The following TM6SF1 variants were observed in gnomAD, a reference collection of about 807,000 sequenced individuals.
TM6SF1 encodes the protein transmembrane 6 superfamily member 1.
A neutral mutation model predicts 47.1 loss-of-function variants in TM6SF1; 43 were observed. That is an observed-to-expected ratio of 0.91 (90% CI 0.72 to 1.18). The LOEUF is 1.18. Among genes scored for constraint, TM6SF1 ranks in the 50% most tolerant of loss-of-function variants. TM6SF1 has a pLI of 0.00. For synonymous variants in TM6SF1, 177 were observed against 166.3 expected, an observed-to-expected ratio of 1.06 and a Z score of -0.49; for missense variants, 390 against 449.0, an observed-to-expected ratio of 0.87 and a Z score of 1.19.
Position 83,124,312 on chromosome 15 carries a change from T to C in TM6SF1, c.604-360T>C, listed in dbSNP as rs140867210. On this transcript the variant is annotated intron_variant, in intron 6 of 9. Transcript: ENST00000322019. ...TATATGTATGTTGTGTGTATGTAAC[T>C]ATATCTATTTACATGTATTACTGGA... Among the ~76,000 whole-genome samples the C allele has an allele frequency of 2.8e-3, 427 of 152,310 alleles. 3 individuals are homozygous for C. Among genetic ancestry groups the C allele is most frequent in the African/African-American group, 9.9e-3 (410 of 41,582 alleles).
chr15:83,125,480 C>T (rs1213998869), intron 7 of TM6SF1, among the ~76,000 whole-genome samples: 2 of 152,314 alleles, frequency 1.3e-5, no homozygotes, highest in South Asian at 2.1e-4. Flanking sequence ...TAAAATAACA[C>T]TACCTACCTT....
At chr15:83,119,118 A>G (rs1280954023) in intron 3 of TM6SF1, among the ~76,000 whole-genome samples, 1 of 152,148 alleles carries the variant, frequency 6.6e-6, no homozygotes, top group Non-Finnish European at 1.5e-5. Context: ...TATGTGGGGA[A>G]TGAGTGTTGT....
Position 83,127,440 on chromosome 15 carries a change from C to G in TM6SF1, c.884C>G (p.Pro295Arg). 1 of 1,613,914 alleles carries G rather than the reference C, an allele frequency of 6.2e-7. No homozygotes were observed. The highest frequency in any genetic ancestry group is 2.2e-5 in the East Asian group (1 of 44,844). The change falls in exon 9 of 10, where the codon CCT (proline) becomes CGT (arginine). Residue 295 changes from proline to arginine, a missense_variant. Physicochemically the swap from Pro to Arg is moderately radical, Grantham distance 103. Transcript: ENST00000322019. Reference sequence around the variant, plus strand: ...GTGGTTCCTGGATGTTCCTGGATGCCTGACATCACATTGATACATGCTGGA... The same window carrying G: ...GTGGTTCCTGGATGTTCCTGGATGCGTGACATCACATTGATACATGCTGGA... ...GLVVPGCSWM[P>R]DITLIHAGGL...
chr15:83,132,362 A>T (rs2036311025), intron 9 of TM6SF1: 1 of 152,262 alleles, frequency 6.6e-6, no homozygotes, highest in Non-Finnish European at 1.5e-5. Flanking sequence ...GCTTTGGGAC[A>T]GACTCACCAT....
At chr15:83,126,901 A>T (rs1441754846) in intron 8 of TM6SF1, 54 bp downstream of exon 8, 2 of 1,462,314 alleles carry the variant, frequency 1.4e-6, no homozygotes, top group African/African-American at 2.8e-5. Flanking sequence ...CTTTTTAAAA[A>T]ATGGGTCCCA....
intron 1 of TM6SF1, among the ~76,000 whole-genome samples, chr15:83,109,447 G>A (rs1374327252): frequency 6.6e-6 from 1 of 152,198 alleles, no homozygotes; most frequent in Non-Finnish European, 1.5e-5. Context: ...ATGTATTGCT[G>A]TGCATGATGG....
At chr15:83,110,185 T>C (rs1166143694) in intron 1 of TM6SF1, among the ~76,000 whole-genome samples, 1 of 152,204 alleles carries the variant, frequency 6.6e-6, no homozygotes, top group African/African-American at 2.4e-5. Flanking sequence ...GAGCGTGTTC[T>C]GTCTCCCTCT....
chr15:83,126,193 CAA>C (rs1303434912), intron 7 of TM6SF1, among the ~76,000 whole-genome samples: 1 of 151,942 alleles, frequency 6.6e-6, no homozygotes, highest in Non-Finnish European at 1.5e-5. Flanking sequence ...CATTTATGGC[CAA>C]AGACATGAGG....
At chr15:83,135,506 T>C (rs1225232003) in intron 9 of TM6SF1, 1 of 152,226 alleles carries the variant, frequency 6.6e-6, no homozygotes, top group African/African-American at 2.4e-5. Context: ...TTCAGCAAGA[T>C]ATGAAAATGC....
chr15:83,110,845 C>T (rs940193264), intron 1 of TM6SF1, among the ~76,000 whole-genome samples: 2 of 152,222 alleles, frequency 1.3e-5, no homozygotes, highest in Admixed American at 6.5e-5. Flanking sequence ...AAACAGCCAC[C>T]CTCATTCTTT....
Position 83,122,777 on chromosome 15 carries a change from T to G in TM6SF1, c.502T>G (p.Cys168Gly), listed in dbSNP as rs2035391758. Residue 168 changes from cysteine (C) to glycine (G), a missense_variant, in exon 6 of 10, where the codon TGC (cysteine) becomes GGC (glycine). Physicochemically the swap from Cys to Gly is radical, Grantham distance 159. Transcript: ENST00000322019. ...AATAGGGAAGTATGGAACACGAATTTGCCCTGCTTTTTTCTTAAGCATACC... is the reference window on the plus strand; with the variant it reads ...AATAGGGAAGTATGGAACACGAATTGGCCCTGCTTTTTTCTTAAGCATACC... The part of the protein sequence containing the change: ...NIVGKYGTRI[C>G]PAFFLSIPYT... 1.2e-6 allele frequency: 2 copies of G among 1,614,076 alleles called. No homozygotes were observed. Among genetic ancestry groups the G allele is most frequent in the Non-Finnish European group, 1.7e-6 (2 of 1,180,004 alleles).
chr15:83,128,322 C>A (rs888244638), intron 9 of TM6SF1: 4 of 152,096 alleles, frequency 2.6e-5, no homozygotes, highest in African/African-American at 9.7e-5. Flanking sequence ...TGCATTAAAT[C>A]CTTTCAGTTT....
At chr15:83,112,458 C>CGT (rs959283650) in intron 1 of TM6SF1, among the ~76,000 whole-genome samples, 3 of 152,030 alleles carry the variant, frequency 2.0e-5, no homozygotes, top group Admixed American at 6.6e-5. Context: ...GTTAGAGGAA[C>CGT]GTGTAAGTGG....
At position 83,107,790 on chromosome 15, in the gene TM6SF1, G is replaced by A; in HGVS notation, c.92+18G>A. ...CAGCATGAGTGAGTGAGCCGGCGCGGCGGGGGTCGCGCCGAGGGGCGGCGG... is the reference window on the plus strand; with the variant it reads ...CAGCATGAGTGAGTGAGCCGGCGCGACGGGGGTCGCGCCGAGGGGCGGCGG... On this transcript the variant is annotated intron_variant, in intron 1 of 9. Transcript: ENST00000322019. This position sits in a 1 kb window ranked among gnomAD's most constrained non-coding sequence, Gnocchi z 5.6. 1.3e-6 allele frequency: 2 copies of A among 1,567,502 alleles called. No homozygotes were observed. The highest frequency in any genetic ancestry group is 2.5e-5 in the East Asian group (1 of 40,132).
At position 83,107,974 on chromosome 15, in the gene TM6SF1, G is replaced by C. The variant is rs1003454184; in HGVS notation, c.92+202G>C. 9.2e-7 allele frequency: 1 copy of C among 1,092,194 alleles called. No individual in the cohort carries two copies. Among genetic ancestry groups the C allele is most frequent in the South Asian group, 2.5e-5 (1 of 39,864 alleles). The allele number at this position is 1,092,194 out of a possible 1,614,324, so 67.7% of individuals were successfully genotyped here. A position where few individuals can be genotyped will look rare whatever the true frequency, so the allele number is the denominator to read the frequency against. On this transcript the variant is annotated intron_variant, in intron 1 of 9. Coordinates refer to ENST00000322019, the MANE Select transcript of TM6SF1 (RefSeq NM_023003.5). The surrounding 1 kb of genome is among the most constrained non-coding windows in gnomAD (Gnocchi z 5.6). ...GGGCCGGGTCTTGGAGCCGGGCCCT[G>C]AGGTGCCCAGGCTGGCGCATTTCGG...
At chr15:83,127,234 G>A (rs1250474836) in intron 8 of TM6SF1, 124 bp from the exon 9 acceptor site, 5 of 803,866 alleles carry the variant, frequency 6.2e-6, no homozygotes, top group East Asian at 6.8e-5. Flanking sequence ...AAAAAAAAAA[G>A]AGTCCCATAT....
chr15:83,114,722 TC>T (rs1043124602), intron 2 of TM6SF1: 96 of 152,424 alleles, frequency 6.3e-4, no homozygotes, highest in African/African-American at 2.1e-3. Flanking sequence ...ATCAGATTTT[TC>T]TTCTGTCCAT....
At position 83,136,521 on chromosome 15, in the gene TM6SF1, C is replaced by A; in HGVS notation, c.962C>A (p.Thr321Asn). 1 of 1,605,858 alleles carries A rather than the reference C, an allele frequency of 6.2e-7. No homozygotes were observed. The highest frequency in any genetic ancestry group is 8.5e-7 in the Non-Finnish European group (1 of 1,177,958). The change falls in exon 10 of 10, where the codon ACT (threonine) becomes AAT (asparagine). Residue 321 changes from threonine to asparagine, a missense_variant. By Grantham distance (65) the Thr-to-Asn change is moderately conservative. Coordinates refer to ENST00000322019, the MANE Select transcript of TM6SF1 (RefSeq NM_023003.5). ...ATTGGTGCATCTCTTCATGCTAGAA[C>A]TGCTTATGTCTACAGAGTCCCTGAA... ...SHIGASLHAR[T>N]AYVYRVPEEA... is the part of the protein sequence containing the mutation.
chr15:83,119,393 C>G (rs143888609), intron 3 of TM6SF1, among the ~76,000 whole-genome samples, 185 bp from the exon 4 acceptor site: 6 of 152,310 alleles, frequency 3.9e-5, no homozygotes, highest in Non-Finnish European at 8.8e-5. Context: ...GTGGCCAGAC[C>G]CTGGTTTTGG....
Sources: allele counts gnomAD v4.1 joint callset (sites outside exome capture counted in the v4.1 genomes callset), GRCh38; gene constraint gnomAD v4.1.1; non-coding constraint Gnocchi (gnomAD v3.1); transcripts MANE v1.5; gene names NCBI Gene and HGNC (gene_info 2026-07-23, HGNC 2026-07-21).